TRPC4: variants seen among roughly 807,000 people sequenced by gnomAD.
TRPC4 encodes short transient receptor potential channel 4.
A neutral mutation model predicts 99.4 loss-of-function variants in TRPC4; 49 were observed. The ratio of observed to expected loss-of-function variants is 0.49; its 90% CI spans 0.39 to 0.63. TRPC4 has a LOEUF of 0.63. Ranked by LOEUF, TRPC4 falls within the 20% of genes least tolerant of loss-of-function variation. The pLI, the probability that TRPC4 is intolerant of heterozygous loss-of-function variation, is 0.00. For missense variants in TRPC4, 898 were observed against 1,152.9 expected, an observed-to-expected ratio of 0.78 and a Z score of 3.20; for synonymous variants, 454 against 425.9, an observed-to-expected ratio of 1.07 and a Z score of -0.81.
chr13:37,670,849 T>C (rs1235084567), intron 5 of TRPC4, among the ~76,000 whole-genome samples: 1 of 152,206 alleles, frequency 6.6e-6, no homozygotes, highest in African/African-American at 2.4e-5. Flanking sequence ...CTTTTGCATA[T>C]TGTGCCTTTT....
chr13:37,744,071 A>G (rs987490301), intron 3 of TRPC4, among the ~76,000 whole-genome samples: 2 of 152,156 alleles, frequency 1.3e-5, no homozygotes, highest in African/African-American at 4.8e-5. Context: ...ACTTTACTCC[A>G]TTCAACATTT....
rs143281686 is a variant in TRPC4, at chr13:37,811,640, T to C, written c.-27-28280A>G. 3.2e-3 allele frequency among the ~76,000 whole-genome samples: 485 copies of C among 152,204 alleles called. 1 individual carries two copies. The highest frequency in any genetic ancestry group is 0.011 in the African/African-American group (473 of 41,548). ...ATTCAGCAGAGTACTCATTACCACA[T>C]ACATATAAGGAATTACCAGAGGCCA... On this transcript the variant is annotated intron_variant, in intron 1 of 10. Transcript: ENST00000379705.
At chr13:37,753,967 G>A (rs970739855) in intron 2 of TRPC4, among the ~76,000 whole-genome samples, 2 of 152,034 alleles carry the variant, frequency 1.3e-5, no homozygotes, top group African/African-American at 2.4e-5. Context: ...AAGCACCCCC[G>A]CTATGGAGAA....
intron 1 of TRPC4, among the ~76,000 whole-genome samples, chr13:37,857,861 A>C (rs1235462449): frequency 1.3e-5 from 2 of 151,720 alleles, no homozygotes; most frequent in African/African-American, 2.4e-5. Flanking sequence ...CTGGGAAAAA[A>C]GGTTTTGAGT....
chr13:37,770,161 A>G (rs998362142), intron 2 of TRPC4, among the ~76,000 whole-genome samples: 5 of 151,510 alleles, frequency 3.3e-5, no homozygotes, highest in African/African-American at 1.2e-4. Context: ...AGTGATAAAT[A>G]TGACAAATAT....
intron 1 of TRPC4, among the ~76,000 whole-genome samples, chr13:37,853,689 A>G (rs1483158189): frequency 1.3e-5 from 2 of 152,110 alleles, no homozygotes; most frequent in Non-Finnish European, 2.9e-5. Context: ...AACACAGGGA[A>G]GGAGTTCAGA....
intron 2 of TRPC4, among the ~76,000 whole-genome samples, chr13:37,764,675 T>C (rs868768825): frequency 1.3e-5 from 2 of 151,408 alleles, no homozygotes; most frequent in African/African-American, 4.8e-5. Context: ...CAGAATGATA[T>C]AAACTGTAGA....
At chr13:37,651,608 C>T (rs1181582804) in intron 7 of TRPC4, 149 bp from the exon 8 acceptor site, 23 of 691,110 alleles carry the variant, frequency 3.3e-5, no homozygotes, top group Non-Finnish European at 9.7e-6. Context: ...CAGAGACAGT[C>T]ATCTAAACAT....
intron 5 of TRPC4, among the ~76,000 whole-genome samples, chr13:37,672,379 C>T (rs1424548041): frequency 6.6e-6 from 1 of 152,118 alleles, no homozygotes; most frequent in Admixed American, 6.5e-5. Flanking sequence ...CTATACAATG[C>T]AATGTTCTTC....
intron 3 of TRPC4, among the ~76,000 whole-genome samples, chr13:37,724,439 A>G (rs1215760415): frequency 6.6e-6 from 1 of 152,212 alleles, no homozygotes; most frequent in Non-Finnish European, 1.5e-5. Flanking sequence ...TCATGCCTTT[A>G]AATCATTTTA....
chr13:37,758,515 T>C (rs1387670598), intron 2 of TRPC4, among the ~76,000 whole-genome samples: 1 of 151,792 alleles, frequency 6.6e-6, no homozygotes, highest in Non-Finnish European at 1.5e-5. Context: ...ATTCTTATTA[T>C]CTTACTCATC....
chr13:37,666,657 G>A (rs1952655897), intron 5 of TRPC4, among the ~76,000 whole-genome samples: 1 of 151,984 alleles, frequency 6.6e-6, no homozygotes, highest in Non-Finnish European at 1.5e-5. Flanking sequence ...CCTATTCTTA[G>A]GAATTAAAAT....
chr13:37,802,856 T>C (rs1957438784), intron 1 of TRPC4, among the ~76,000 whole-genome samples: 1 of 152,138 alleles, frequency 6.6e-6, no homozygotes, highest in African/African-American at 2.4e-5. Context: ...CATCAGGGGA[T>C]CTTGCCTGCA....
rs1951515468 is a variant in TRPC4, at chr13:37,636,229, G to A, written c.*674C>T. 1.3e-5 allele frequency among the ~76,000 whole-genome samples: 2 copies of A among 151,794 alleles called. No homozygotes were observed. Among genetic ancestry groups the A allele is most frequent in the Non-Finnish European group, 2.9e-5 (2 of 67,932 alleles). On this transcript the variant is annotated 3_prime_UTR_variant, in exon 11 of 11. Transcript: ENST00000379705. ...GGGCGAGTTTTTTTCCTGACAAAAT[G>A]TCGTTAAAAATCATCAGTCATCAAA...
chr13:37,650,633 A>ACACACACACACG (rs1366499551), intron 8 of TRPC4, among the ~76,000 whole-genome samples: 2 of 150,964 alleles, frequency 1.3e-5, no homozygotes, highest in African/African-American at 2.4e-5. Context: ...ACACACACAC[A>ACACACACACACG]CATATATATA....
At chr13:37,652,983 A>T (rs182864948) in intron 7 of TRPC4, among the ~76,000 whole-genome samples, 52 of 151,496 alleles carry the variant, frequency 3.4e-4, no homozygotes, top group Non-Finnish European at 1.9e-4. Context: ...TCACCTTCTA[A>T]CTCCTAGTCA....
At chr13:37,849,051 C>G (rs1024639813) in intron 1 of TRPC4, among the ~76,000 whole-genome samples, 1 of 152,174 alleles carries the variant, frequency 6.6e-6, no homozygotes, top group Non-Finnish European at 1.5e-5. Context: ...TGAGGTCCCA[C>G]TACAGCCCAT....
Position 37,767,586 on chromosome 13 carries a change from A to G in TRPC4, c.378+15370T>C, listed in dbSNP as rs71439733. ...GTAGTAGAGGTCAAATTGAAGAAAA[A>G]TATATATATTCCCACATAATTTCTT... is the stretch of plus-strand genomic sequence containing the variant. On this transcript the variant is annotated intron_variant, in intron 2 of 10. Coordinates refer to ENST00000379705, the MANE Select transcript of TRPC4 (RefSeq NM_016179.4). 5.7e-3 allele frequency among the ~76,000 whole-genome samples: 862 copies of G among 151,378 alleles called. 6 individuals carry two copies. Among genetic ancestry groups the G allele is most frequent in the Non-Finnish European group, 9.8e-3 (664 of 67,508 alleles).
intron 3 of TRPC4, among the ~76,000 whole-genome samples, chr13:37,723,784 A>T (rs1954949173): frequency 6.6e-6 from 1 of 152,038 alleles, no homozygotes; most frequent in African/African-American, 2.4e-5. Context: ...TGAACTCCTA[A>T]ACTCAAGTGA....
Sources: gnomAD v4.1 joint callset for allele counts (sites outside exome capture counted in the v4.1 genomes callset) on GRCh38, gnomAD v4.1.1 for gene constraint, MANE v1.5 for transcripts, NCBI Gene and HGNC (gene_info 2026-07-23, HGNC 2026-07-21) for gene names.